Variants in GMPPA observed in about 807,000 individuals in gnomAD.
GMPPA encodes the protein mannose-1-phosphate guanylyltransferase regulatory subunit alpha.
Under a neutral mutation model 58.6 loss-of-function variants are expected in GMPPA, and 46 were observed. The observed-to-expected ratio is 0.78, with a 90% confidence interval of 0.62 to 1.00. The LOEUF is 1.00. GMPPA is among the 50% of genes least tolerant of loss of function. GMPPA has a pLI of 0.00. For missense variants in GMPPA, 468 were observed against 556.4 expected, an observed-to-expected ratio of 0.84 and a Z score of 1.60; for synonymous variants, 211 against 214.9, an observed-to-expected ratio of 0.98 and a Z score of 0.16.
rs1559445414 is a variant in GMPPA, at chr2:219,500,164, GT to G, written c.87del (p.Pro30LeufsTer7). 1 of 1,594,512 alleles carries G rather than the reference GT, an allele frequency of 6.3e-7. No homozygotes were observed. On this transcript the variant is annotated frameshift_variant, in exon 3 of 13. Coordinates refer to ENST00000313597, the MANE Select transcript of GMPPA (RefSeq NM_013335.4). LOFTEE classifies it high-confidence loss of function. ...PLSFEVPKPL[F>X]PVAGVPMIQH... ...TGTCTTTTGAGGTGCCCAAACCATTGTTTCCTGTGGCAGGGGTCCCTATGAT... is the reference window on the plus strand; with the variant it reads ...TGTCTTTTGAGGTGCCCAAACCATTGTTCCTGTGGCAGGGGTCCCTATGAT...
At chr2:219,501,041 G>A (rs191753470) in intron 3 of GMPPA, 127 of 159,140 alleles carry the variant, frequency 8.0e-4, no homozygotes, top group Non-Finnish European at 1.2e-3. Context: ...GCAACATCAA[G>A]AGACCCCTTC....
chr2:219,505,826 C>G, intron 10 of GMPPA, 65 bp downstream of exon 10: 4 of 1,341,620 alleles, frequency 3.0e-6, no homozygotes, highest in Non-Finnish European at 4.2e-6. Context: ...GGTGCCCACG[C>G]TGCCTGAGTT....
chr2:219,505,078 C>A, intron 7 of GMPPA, 150 bp from the exon 8 acceptor site: 1 of 941,840 alleles, frequency 1.1e-6, no homozygotes, highest in Non-Finnish European at 1.5e-6. Flanking sequence ...ATGTGAGCAG[C>A]CACATCCCAG....
intron 9 of GMPPA, 73 bp downstream of exon 9, chr2:219,505,628 G>T: frequency 1.3e-6 from 2 of 1,584,116 alleles, no homozygotes; most frequent in Non-Finnish European, 8.7e-7. Flanking sequence ...TTGACCTCGA[G>T]TCCAGAGTTA....
chr2:219,504,866 G>T, intron 7 of GMPPA: 1 of 1,101,156 alleles, frequency 9.1e-7, no homozygotes. Flanking sequence ...GCCTTGCTCT[G>T]GGGTGAGTCT....
chr2:219,502,056 C>T lies in GMPPA; in HGVS notation c.429+19C>T. 6.2e-7 allele frequency: 1 copy of T among 1,612,732 alleles called. No individual in the cohort carries two copies. Among genetic ancestry groups the T allele is most frequent in the Non-Finnish European group, 8.5e-7 (1 of 1,179,050 alleles). ...CACTACGGTGAGGGGGTCAGGAGGG[C>T]TGGAGGGTGTAGAGGAGGTGATCCC... On this transcript the variant is annotated intron_variant, in intron 5 of 12. Coordinates refer to ENST00000313597, the MANE Select transcript of GMPPA (RefSeq NM_013335.4). The surrounding 1 kb of genome is among the most constrained non-coding windows in gnomAD (Gnocchi z 4.0).
chr2:219,506,508 G>GC, intron 12 of GMPPA, 86 bp downstream of exon 12: 1 of 1,345,324 alleles, frequency 7.4e-7, no homozygotes, highest in Non-Finnish European at 1.0e-6. Context: ...CTGTGTGCAC[G>GC]CGTGTTTCTT....
intron 6 of GMPPA, among the ~76,000 whole-genome samples, chr2:219,503,682 C>T (rs1694476969): frequency 1.3e-5 from 2 of 152,108 alleles, no homozygotes; most frequent in African/African-American, 4.8e-5. Context: ...CAGGAGTGCC[C>T]AGGCATGAAC....
rs780576216 is a variant in GMPPA at position 219,502,444 on chromosome 2, GA to G, written c.489+4del. Reference sequence around the variant, plus strand: ...TTGAGAATCCACAGACACACGAGGTGAGAGCAGAGTGGGGGCTGGGTGGGTG... The same window carrying G: ...TTGAGAATCCACAGACACACGAGGTGGAGCAGAGTGGGGGCTGGGTGGGTG... On this transcript the variant is annotated splice_donor_region_variant and intron_variant, in intron 6 of 12. Transcript: ENST00000313597. This position sits in a 1 kb window ranked among gnomAD's most constrained non-coding sequence, Gnocchi z 4.0. 2 of 1,612,910 alleles carry G rather than the reference GA, an allele frequency of 1.2e-6. No individual in the cohort carries two copies. The highest frequency in any genetic ancestry group is 1.7e-6 in the Non-Finnish European group (2 of 1,179,064).
Position 219,500,223 on chromosome 2 carries a change from C to T in GMPPA, c.138+5C>T. 6.7e-7 allele frequency: 1 copy of T among 1,490,180 alleles called. No homozygotes were observed. The highest frequency in any genetic ancestry group is 9.2e-7 in the Non-Finnish European group (1 of 1,084,900). 92.3% of individuals were successfully genotyped at this position (1,490,180 alleles called of 1,614,324 possible). ...CATATTGAAGCCTGTGCCCAGGTAA[C>T]CTCAGGGGCTCCCCTCTCTCACCTC... On this transcript the variant is annotated splice_donor_5th_base_variant and intron_variant, in intron 3 of 12. Transcript: ENST00000313597.
At chr2:219,505,076 A>T in intron 7 of GMPPA, 152 bp from the exon 8 acceptor site, 8 of 920,476 alleles carry the variant, frequency 8.7e-6, no homozygotes, top group South Asian at 1.8e-5. Context: ...GGATGTGAGC[A>T]GCCACATCCC....
chr2:219,505,349 A>T lies in GMPPA; in HGVS notation c.742A>T (p.Ile248Phe). 6 of 1,613,804 alleles carry T rather than the reference A, an allele frequency of 3.7e-6. No homozygotes were observed. Among genetic ancestry groups the T allele is most frequent in the Non-Finnish European group, 5.1e-6 (6 of 1,179,950 alleles). ...TCTCACTGATGGTATCTGGAGTCAGATCAAGTCCGCAGGGTATGGAAGGCT... is the reference window on the plus strand; with the variant it reads ...TCTCACTGATGGTATCTGGAGTCAGTTCAAGTCCGCAGGGTATGGAAGGCT... The part of the protein sequence containing the change: ...VHLTDGIWSQ[I>F]KSAGSALYAS... Residue 248 changes from isoleucine (I) to phenylalanine (F), a missense_variant, in exon 8 of 13, where the codon ATC (isoleucine) becomes TTC (phenylalanine). Physicochemically the swap from Ile to Phe is conservative, Grantham distance 21. Transcript: ENST00000313597.
intron 3 of GMPPA, 96 bp from the exon 4 acceptor site, chr2:219,501,380 G>C (rs1694383980): frequency 1.2e-6 from 1 of 802,314 alleles, no homozygotes; most frequent in Non-Finnish European, 2.2e-6. Flanking sequence ...AGCTGAGACT[G>C]AAACTGGTTT....
chr2:219,501,371 G>A, intron 3 of GMPPA, 105 bp from the exon 4 acceptor site: 1 of 758,608 alleles, frequency 1.3e-6, no homozygotes, highest in Non-Finnish European at 2.3e-6. Flanking sequence ...GGGCCCCACA[G>A]CTGAGACTGA....
In GMPPA at chr2:219,501,569, C is replaced by A; in HGVS notation, c.232C>A (p.Leu78Ile). 6.2e-7 allele frequency: 1 copy of A among 1,603,262 alleles called. No individual in the cohort carries two copies. The highest frequency in any genetic ancestry group is 8.5e-7 in the Non-Finnish European group (1 of 1,170,028). ...AGAAGCCGCCCAGCAGGAGTTTAACCTTCCAGTCAGGTGTTTGTGCACACA... is the reference window on the plus strand; with the variant it reads ...AGAAGCCGCCCAGCAGGAGTTTAACATTCCAGTCAGGTGTTTGTGCACACA... ...FLEAAQQEFN[L>I]PVRYLQEFAP... The change falls in exon 4 of 13, where the codon CTT becomes ATT. Residue 78 changes from leucine to isoleucine, a missense_variant. Physicochemically the swap from Leu to Ile is conservative, Grantham distance 5 (BLOSUM62 2). Transcript: ENST00000313597.
chr2:219,504,130 C>T lies in GMPPA; in HGVS notation c.537C>T (p.Ile179=), dbSNP rs759295142. ...CCAGCACATTTATCAGTGACATCAT[C>T]AACTGCGGCATCTACCTCTTTTCTC... ...EKPSTFISDI[I]NCGIYLFSPE... Residue 179 remains isoleucine, a synonymous_variant, in exon 7 of 13, where the codon ATC becomes ATT. Transcript: ENST00000313597. The T allele has an allele frequency of 6.2e-7, 1 of 1,613,796 alleles. No individual in the cohort carries two copies. The highest frequency in any genetic ancestry group is 8.5e-7 in the Non-Finnish European group (1 of 1,179,686).
Position 219,501,863 on chromosome 2 carries a change from A to T in GMPPA, c.255A>T (p.Glu85Asp). ...EFNLPVRYLQ[E>D]FAPLGTGGGL... ...TCCCTGGGGACAGGTACCTGCAGGA[A>T]TTTGCCCCCCTAGGCACAGGGGGTG... Residue 85 changes from glutamate (E) to aspartate (D), a missense_variant, in exon 5 of 13, where the codon GAA becomes GAT. Coordinates refer to ENST00000313597, the MANE Select transcript of GMPPA (RefSeq NM_013335.4). The T allele has an allele frequency of 6.2e-7, 1 of 1,613,980 alleles. No individual in the cohort carries two copies. Among genetic ancestry groups the T allele is most frequent in the Non-Finnish European group, 8.5e-7 (1 of 1,179,908 alleles).
rs769361357 is a variant in GMPPA at position 219,505,307 on chromosome 2, G to A, written c.700G>A (p.Gly234Ser). The change falls in exon 8 of 13, where the codon GGC becomes AGC. Residue 234 changes from glycine (G) to serine (S), a missense_variant. Physicochemically the swap from Gly to Ser is moderately conservative, Grantham distance 56 (BLOSUM62 0). Coordinates refer to ENST00000313597, the MANE Select transcript of GMPPA (RefSeq NM_013335.4). ...TGTGTTTTCAGCCCTGGCAGGGCAG[G>A]GCCAGATATACGTGCATCTCACTGA... ...QDVFSALAGQGQIYVHLTDGI... is the reference protein window; with the variant it reads ...QDVFSALAGQSQIYVHLTDGI... 1.9e-6 allele frequency: 3 copies of A among 1,614,002 alleles called. No homozygotes were observed. The highest frequency in any genetic ancestry group is 2.5e-6 in the Non-Finnish European group (3 of 1,179,920).
Position 219,506,703 on chromosome 2 carries a change from C to T in GMPPA, c.1168C>T (p.Arg390Ter), listed in dbSNP as rs748973371. ...LLPAITILGC[R>*]VRIPAEVLIL... The stretch of plus-strand genomic sequence containing the variant: ...TGCCCTCATCCATGCTGCAGGCTGC[C>T]GAGTCCGGATCCCTGCCGAGGTGCT... The change falls in exon 13 of 13, where the codon CGA (arginine) becomes TGA (stop). Residue 390 changes from arginine to a stop codon, truncating the protein, a stop_gained. Coordinates refer to ENST00000313597, the MANE Select transcript of GMPPA (RefSeq NM_013335.4). LOFTEE classifies it high-confidence loss of function. 11 of 1,587,574 alleles carry T rather than the reference C, an allele frequency of 6.9e-6. No homozygotes were observed. The highest frequency in any genetic ancestry group is 5.0e-5 in the Admixed American group (3 of 59,920).
Sources: gnomAD v4.1 joint callset for allele counts (sites outside exome capture counted in the v4.1 genomes callset) on GRCh38, gnomAD v4.1.1 for gene constraint, Gnocchi (gnomAD v3.1) non-coding constraint, MANE v1.5 for transcripts, NCBI Gene and HGNC (gene_info 2026-07-23, HGNC 2026-07-21) for gene names.